TANC2: variants seen among roughly 807,000 people sequenced by gnomAD.
The protein encoded by TANC2 is protein TANC2.
TANC2 carries 26 observed loss-of-function variants against 210.5 expected under a neutral mutation model. The observed-to-expected ratio is 0.12, with a 90% CI of 0.09 to 0.17. The LOEUF is 0.17. TANC2 is among the 10% of genes least tolerant of loss of function. The pLI is 1.00. For synonymous variants in TANC2, 931 were observed against 967.1 expected, an observed-to-expected ratio of 0.96 and a Z score of 0.69; for missense variants, 2,129 against 2,608.9, an observed-to-expected ratio of 0.82 and a Z score of 4.01.
chr17:63,324,583 A>G (rs2045588510), intron 11 of TANC2, among the ~76,000 whole-genome samples: 1 of 152,238 alleles, frequency 6.6e-6, no homozygotes, highest in South Asian at 2.1e-4. Flanking sequence ...TTCATTTAGT[A>G]GAAATGAGAT....
At chr17:63,096,945 T>C (rs2037408866) in intron 3 of TANC2, among the ~76,000 whole-genome samples, 1 of 152,198 alleles carries the variant, frequency 6.6e-6, no homozygotes, top group South Asian at 2.1e-4. Context: ...ATTTTGGCTT[T>C]GTTTTTCTGT....
intron 2 of TANC2, among the ~76,000 whole-genome samples, chr17:63,058,932 G>A (rs2144506021): frequency 6.6e-6 from 1 of 152,028 alleles, no homozygotes; most frequent in South Asian, 2.1e-4. Context: ...CTCTTTTTGG[G>A]TTTCATATCA....
At chr17:63,173,688 T>C (rs1264202942) in intron 5 of TANC2, among the ~76,000 whole-genome samples, 1 of 152,224 alleles carries the variant, frequency 6.6e-6, no homozygotes, top group Non-Finnish European at 1.5e-5. Context: ...CTGTAGCAAG[T>C]GCTGAATAAA....
At chr17:63,323,363 A>C (rs1032340817) in intron 11 of TANC2, among the ~76,000 whole-genome samples, 1 of 152,174 alleles carries the variant, frequency 6.6e-6, no homozygotes, top group Non-Finnish European at 1.5e-5. Flanking sequence ...CTTTAGAACT[A>C]TTTCATTTAT....
chr17:63,340,177 C>T, exon 12 of TANC2: 1 of 1,613,930 alleles, frequency 6.2e-7, no homozygotes, highest in Non-Finnish European at 8.5e-7. Flanking sequence ...AATGTTGCTG[C>T]CTTGCTCTGC....
At chr17:63,255,908 T>TC (rs1567857934) in intron 8 of TANC2, among the ~76,000 whole-genome samples, 1 of 85,296 alleles carries the variant, frequency 1.2e-5, no homozygotes, top group African/African-American at 4.0e-5. Context: ...CTTTTCTTTT[T>TC]TTTTTTTTTT....
intron 7 of TANC2, among the ~76,000 whole-genome samples, chr17:63,204,717 A>G (rs1440284203): frequency 1.3e-5 from 2 of 152,242 alleles, no homozygotes; most frequent in Non-Finnish European, 2.9e-5. Context: ...GAAAAAGAGC[A>G]AAATTGGACG....
intron 5 of TANC2, among the ~76,000 whole-genome samples, chr17:63,175,540 A>G (rs1270029524): frequency 6.6e-6 from 1 of 151,126 alleles, no homozygotes; most frequent in Admixed American, 6.6e-5. Flanking sequence ...CGCCAAAAAA[A>G]AAAAAAAAAA....
At chr17:63,276,695 C>A (rs1192551758) in intron 9 of TANC2, among the ~76,000 whole-genome samples, 1 of 151,712 alleles carries the variant, frequency 6.6e-6, no homozygotes, top group Admixed American at 6.6e-5. Flanking sequence ...CTTTTTTATC[C>A]CCACATTAAT....
intron 9 of TANC2, among the ~76,000 whole-genome samples, chr17:63,294,283 G>A (rs943465177): frequency 6.6e-6 from 1 of 152,040 alleles, no homozygotes; most frequent in Non-Finnish European, 1.5e-5. Flanking sequence ...TTCGACACCA[G>A]CGTGGTAAAT....
chr17:63,202,200 A>G (rs1214634720), intron 7 of TANC2, among the ~76,000 whole-genome samples: 4 of 152,252 alleles, frequency 2.6e-5, no homozygotes, highest in Non-Finnish European at 5.9e-5. Context: ...AAAAAATTGC[A>G]TTTCCTTTAA....
At chr17:63,183,941 C>T (rs1264360088) in intron 5 of TANC2, among the ~76,000 whole-genome samples, 4 of 151,634 alleles carry the variant, frequency 2.6e-5, no homozygotes, top group Admixed American at 2.0e-4. Context: ...GGCGTGAACC[C>T]GGGAGGCGGA....
intron 8 of TANC2, among the ~76,000 whole-genome samples, chr17:63,265,351 A>T (rs2043491765): frequency 6.6e-6 from 1 of 152,178 alleles, no homozygotes; most frequent in African/African-American, 2.4e-5. Flanking sequence ...CAGGGAAGGG[A>T]TACTCAACCT....
At chr17:63,041,872 T>G (rs2144268990) in intron 2 of TANC2, among the ~76,000 whole-genome samples, 1 of 152,250 alleles carries the variant, frequency 6.6e-6, no homozygotes, top group African/African-American at 2.4e-5. Flanking sequence ...CATATTAAAA[T>G]TGCATTAGAT....
chr17:63,176,809 A>T (rs1409753767), intron 5 of TANC2, among the ~76,000 whole-genome samples: 3,586 of 147,344 alleles, frequency 0.024, 50 homozygotes, highest in Non-Finnish European at 0.036. Flanking sequence ...CCATCTCAAA[A>T]AAAAAAAAAA....
chr17:62,969,335 T>C (rs74744751), intron 1 of TANC2, among the ~76,000 whole-genome samples: 4,433 of 152,310 alleles, frequency 0.029, 79 homozygotes, highest in South Asian at 0.037. Context: ...GAGCTAAGTT[T>C]CCATTTAGGA....
At chr17:63,298,082 G>A (rs1336257251) in intron 9 of TANC2, among the ~76,000 whole-genome samples, 1 of 152,092 alleles carries the variant, frequency 6.6e-6, no homozygotes, top group African/African-American at 2.4e-5. Context: ...TGGAAAAATA[G>A]GAACTCTTGT....
chr17:63,082,643 A>ACCT (rs2036821782), intron 3 of TANC2, among the ~76,000 whole-genome samples: 2 of 152,146 alleles, frequency 1.3e-5, no homozygotes, highest in Non-Finnish European at 1.5e-5. Flanking sequence ...TGGCATATGT[A>ACCT]CCTACCTGTC....
chr17:63,016,962 T>C (rs574771133), intron 2 of TANC2, among the ~76,000 whole-genome samples: 3 of 152,332 alleles, frequency 2.0e-5, no homozygotes, highest in Admixed American at 6.5e-5. Flanking sequence ...TTATCAGATA[T>C]GTGATTTGCA....
Sources: gnomAD v4.1 joint callset for allele counts (sites outside exome capture counted in the v4.1 genomes callset) on GRCh38, gnomAD v4.1.1 for gene constraint, MANE v1.5 for transcripts, NCBI Gene and HGNC (gene_info 2026-07-23, HGNC 2026-07-21) for gene names.